The following HSPG2 variants were observed in gnomAD, a reference collection of about 807,000 sequenced individuals.
HSPG2 encodes basement membrane-specific heparan sulfate proteoglycan core protein.
HSPG2 carries 278 observed loss-of-function variants against 526.6 expected under a neutral mutation model. The ratio of observed to expected loss-of-function variants is 0.53; its 90% CI spans 0.48 to 0.58. The LOEUF (loss-of-function observed/expected upper bound fraction) is 0.58, where lower values mean the gene tolerates loss of function less well. HSPG2 is among the 20% of genes least tolerant of loss of function. The pLI, the probability that HSPG2 is intolerant of heterozygous loss-of-function variation, is 0.00. For missense variants in HSPG2, 5,354 were observed against 6,099.5 expected (o/e 0.88, Z 4.07); for synonymous variants, 2,465 against 2,555.4 (o/e 0.96, Z 1.07).
At chr1:21,927,491 CA>C (rs1050847161) in intron 1 of HSPG2, among the ~76,000 whole-genome samples, 73 of 150,062 alleles carry the variant, frequency 4.9e-4, no homozygotes, top group African/African-American at 1.2e-3. Context: ...CAGTGTAGGC[CA>C]GGGGGGGACA....
At chr1:21,879,497 G>A (rs975512394) in intron 17 of HSPG2, among the ~76,000 whole-genome samples, 3 of 152,226 alleles carry the variant, frequency 2.0e-5, no homozygotes, top group South Asian at 2.1e-4. Context: ...CCCAGCTCTC[G>A]CCACTATTCC....
At position 21,822,340 on chromosome 1, in the gene HSPG2, C is replaced by G; in HGVS notation, c.*976G>C. On this transcript the variant is annotated 3_prime_UTR_variant, in exon 97 of 97. Coordinates refer to ENST00000374695, the MANE Select transcript of HSPG2 (RefSeq NM_005529.7). The stretch of plus-strand genomic sequence containing the variant: ...AGGCCAGGCGTCCCAACCCCACAGT[C>G]TGGGGGCCACTGGCAGGATGGCACT... 1 of 908,710 alleles carries G rather than the reference C, an allele frequency of 1.1e-6. No homozygotes were observed. Among genetic ancestry groups the G allele is most frequent in the Non-Finnish European group, 1.8e-6 (1 of 566,988 alleles). The allele number at this position is 908,710 out of a possible 1,614,324, so 56.3% of individuals were successfully genotyped here. A position where few individuals can be genotyped will look rare whatever the true frequency, so the allele number is the denominator to read the frequency against.
chr1:21,846,499 A>G lies in HSPG2; in HGVS notation c.8265T>C (p.His2755=), dbSNP rs1280300375. 5.0e-6 allele frequency: 8 copies of G among 1,613,744 alleles called. No individual in the cohort carries two copies. Among genetic ancestry groups the G allele is most frequent in the Non-Finnish European group, 5.9e-6 (7 of 1,180,034 alleles). ...CACGCTTGTGCCAAGTGACCTGGGC[A>G]TGGGCCTGCCCGGGGACCACGCAGT... ...DLNCVVPGQA[H]AQVTWHKRGG... The change falls in exon 63 of 97, where the codon CAT becomes CAC. Residue 2755 remains histidine, a synonymous_variant. Transcript: ENST00000374695.
At chr1:21,835,377 C>G in intron 76 of HSPG2, 163 bp downstream of exon 76, 1 of 667,818 alleles carries the variant, frequency 1.5e-6, no homozygotes, top group Admixed American at 2.2e-5. Context: ...GTATCAAGCC[C>G]CTTTTACTCT....
rs199624304 is a variant in HSPG2 at position 21,850,053 on chromosome 1, C to T, written c.7434G>A (p.Pro2478=). 170 of 1,613,126 alleles carry T rather than the reference C, an allele frequency of 1.1e-4. No individual in the cohort carries two copies. The highest frequency in any genetic ancestry group is 1.7e-4 in the Middle Eastern group (1 of 5,936). ...VTWHKRGGSL[P]ARHQVHGSRL... ...TCCTGCCTCCTACCTGGTGCCGGGC[C>T]GGGAGGCTGCCCCCGCGCTTGTGCC... Residue 2478 remains proline, a synonymous_variant, in exon 57 of 97, where the codon CCG becomes CCA. Transcript: ENST00000374695.
At chr1:21,899,977 G>A (rs1041644155) in intron 1 of HSPG2, among the ~76,000 whole-genome samples, 11 of 152,254 alleles carry the variant, frequency 7.2e-5, no homozygotes, top group Non-Finnish European at 1.2e-4. Flanking sequence ...TGGGATGCCT[G>A]AGCTGGCAGT....
Position 21,885,354 on chromosome 1 carries a change from G to T in HSPG2, c.1176C>A (p.Ser392Arg). 6.2e-7 allele frequency: 1 copy of T among 1,614,004 alleles called. No individual in the cohort carries two copies. ...IPASFHCDEESDCPDRSDEFG... is the reference protein window; with the variant it reads ...IPASFHCDEERDCPDRSDEFG... ...ACTCGTCGCTCCGGTCAGGACAGTC[G>T]CTCTCCTCGTCACAGTGGAAGCTGG... is the stretch of plus-strand genomic sequence containing the variant. Residue 392 changes from serine to arginine, a missense_variant, in exon 10 of 97, where the codon AGC (serine) becomes AGA (arginine). Coordinates refer to ENST00000374695, the MANE Select transcript of HSPG2 (RefSeq NM_005529.7).
Position 21,839,303 on chromosome 1 carries a change from T to C in HSPG2, c.9889+68A>G. ...TGGATGGGGTTCCTGGGGTTCTGTG[T>C]GGGGTGGAGCCTAGTCGGGGGGCTC... On this transcript the variant is annotated intron_variant, in intron 73 of 96. Coordinates refer to ENST00000374695, the MANE Select transcript of HSPG2 (RefSeq NM_005529.7). The surrounding 1 kb of genome is among the most constrained non-coding windows in gnomAD (Gnocchi z 4.5). The C allele has an allele frequency of 6.4e-7, 1 of 1,563,066 alleles. No homozygotes were observed. The highest frequency in any genetic ancestry group is 1.1e-5 in the South Asian group (1 of 89,716).
chr1:21,834,155 T>C (rs1335333906), intron 77 of HSPG2, among the ~76,000 whole-genome samples: 2 of 152,202 alleles, frequency 1.3e-5, no homozygotes, highest in African/African-American at 2.4e-5. Context: ...TGAGACCTCT[T>C]CAACATGCCT....
intron 18 of HSPG2, 109 bp downstream of exon 18, chr1:21,878,885 G>T: frequency 7.2e-7 from 1 of 1,389,674 alleles, no homozygotes; most frequent in Non-Finnish European, 9.9e-7. Context: ...ATAACTTAGT[G>T]ATCAGGTAGA....
At position 21,849,997 on chromosome 1, in the gene HSPG2, G is replaced by A. The variant is rs759749395; in HGVS notation, c.7446+44C>T. The stretch of plus-strand genomic sequence containing the variant: ...CCGGTCAAGCCTATGCTCTTGTACT[G>A]CAGCTACAGGGTCCTTCAGGCTTCC... On this transcript the variant is annotated intron_variant, in intron 57 of 96. Transcript: ENST00000374695. 33 of 1,610,062 alleles carry A rather than the reference G, an allele frequency of 2.0e-5. No individual in the cohort carries two copies. The Admixed American group carries it at 2.5e-4, about 12-fold the overall frequency.
At position 21,839,087 on chromosome 1, in the gene HSPG2, T is replaced by G; in HGVS notation, c.9890-2A>C. 1 of 1,575,728 alleles carries G rather than the reference T, an allele frequency of 6.3e-7. No homozygotes were observed. Among genetic ancestry groups the G allele is most frequent in the Non-Finnish European group, 8.7e-7 (1 of 1,156,066 alleles). On this transcript the variant is annotated splice_acceptor_variant, in intron 73 of 96. Transcript: ENST00000374695. LOFTEE classifies it high-confidence loss of function. This position sits in a 1 kb window ranked among gnomAD's most constrained non-coding sequence, Gnocchi z 4.5. ...GGACCGTGGTGGCATATGGTGGGCC[T>G]GAGTGGGGGGACACAGAGGTCAGGA...
rs1355332009 is a variant in HSPG2, at chr1:21,887,115, C to T, written c.1078+100G>A. Reference sequence around the variant, plus strand: ...TTGGGGGACTGGGGAGGGGGGAAAGCGGAGGGGCAGGGTAGGGGCGGGGCA... The same window carrying T: ...TTGGGGGACTGGGGAGGGGGGAAAGTGGAGGGGCAGGGTAGGGGCGGGGCA... On this transcript the variant is annotated intron_variant, in intron 9 of 96. Transcript: ENST00000374695. The surrounding 1 kb of genome is among the most constrained non-coding windows in gnomAD (Gnocchi z 5.0). The T allele has an allele frequency of 1.6e-4, 166 of 1,014,320 alleles. No individual in the cohort carries two copies. Among genetic ancestry groups the T allele is most frequent in the Non-Finnish European group, 2.0e-4 (149 of 760,266 alleles). The allele number at this position is 1,014,320 out of a possible 1,614,324, so 62.8% of individuals were successfully genotyped here.
rs776619445 is a variant in HSPG2, at chr1:21,829,985, C to T, written c.11770+8G>A. The T allele has an allele frequency of 1.9e-6, 3 of 1,602,370 alleles. No homozygotes were observed. Among genetic ancestry groups the T allele is most frequent in the East Asian group, 4.5e-5 (2 of 44,500 alleles). ...GACCCTGGGGGTCTCAGGCCTGGCT[C>T]CCCTCACCTTCCTCACACCGCAACC... On this transcript the variant is annotated splice_region_variant and intron_variant, in intron 86 of 96. Transcript: ENST00000374695.
At chr1:21,842,698 G>T (rs544051206) in intron 67 of HSPG2, 72 bp downstream of exon 67, 139 of 1,596,428 alleles carry the variant, frequency 8.7e-5, no homozygotes, top group Non-Finnish European at 1.2e-4. Flanking sequence ...TTTGCATGAG[G>T]TTTGGGTACA....
chr1:21,900,078 C>CGGCT (rs933090846), intron 1 of HSPG2, among the ~76,000 whole-genome samples: 3 of 152,232 alleles, frequency 2.0e-5, no homozygotes, highest in African/African-American at 7.2e-5. Context: ...TCCTGCCCTC[C>CGGCT]AGCCCGTCTC....
At chr1:21,830,140 G>A in intron 85 of HSPG2, 49 bp from the exon 86 acceptor site, 1 of 1,447,504 alleles carries the variant, frequency 6.9e-7, no homozygotes, top group Non-Finnish European at 9.4e-7. Context: ...ACTCTGGAGG[G>A]AGGGGGGTCC....
rs1356504673 is a variant in HSPG2, at chr1:21,822,724, A to C, written c.*592T>G. 1 of 106,476 alleles carries C rather than the reference A, an allele frequency of 9.4e-6. No individual in the cohort carries two copies. Among genetic ancestry groups the C allele is most frequent in the African/African-American group, 3.8e-5 (1 of 26,538 alleles). 6.6% of individuals were successfully genotyped at this position (106,476 alleles called of 1,614,324 possible). A position where few individuals can be genotyped will look rare whatever the true frequency, so the allele number is the denominator to read the frequency against. ...ATGCAGGCCAGGAGGACGTGGTAGG[A>C]GGGGGAGTCTGCCAGAGGAGGTGCC... On this transcript the variant is annotated 3_prime_UTR_variant, in exon 97 of 97. Transcript: ENST00000374695.
intron 13 of HSPG2, among the ~76,000 whole-genome samples, chr1:21,884,089 G>A (rs1349178565): frequency 1.3e-5 from 2 of 152,202 alleles, no homozygotes; most frequent in African/African-American, 2.4e-5. Context: ...AATACCTCCT[G>A]GGTGCTGAAA....
Sources: allele counts gnomAD v4.1 joint callset (sites outside exome capture counted in the v4.1 genomes callset), GRCh38; gene constraint gnomAD v4.1.1; non-coding constraint Gnocchi (gnomAD v3.1); transcripts MANE v1.5; gene names NCBI Gene and HGNC (gene_info 2026-07-23, HGNC 2026-07-21).